The following ANKRD42 variants were observed in gnomAD, a reference collection of about 807,000 sequenced individuals.
ANKRD42 encodes the protein ankyrin repeat domain-containing protein 42.
ANKRD42 carries 43 observed loss-of-function variants against 51.5 expected under a neutral mutation model. The ratio of observed to expected loss-of-function variants is 0.83; its 90% confidence interval spans 0.65 to 1.08. The LOEUF (loss-of-function observed/expected upper bound fraction) is 1.08, where lower values mean the gene tolerates loss of function less well. Ranked by LOEUF, ANKRD42 falls within the 50% of genes least tolerant of loss-of-function variation. The probability of loss-of-function intolerance (pLI) is 0.00; values close to 1 mark genes in which losing one functional copy is unlikely to be tolerated. For synonymous variants in ANKRD42, 203 were observed against 213.0 expected (o/e 0.95, Z 0.41); for missense variants, 608 against 629.3 (o/e 0.97, Z 0.36).
chr11:83,206,229 A>C (rs1862068464), intron 3 of ANKRD42, 64 bp downstream of exon 3: 1 of 1,260,130 alleles, frequency 7.9e-7, no homozygotes, highest in East Asian at 2.4e-5. Flanking sequence ...GGATATTGCT[A>C]TTATTCTAAT....
Position 83,194,680 on chromosome 11 carries a change from G to A in ANKRD42, c.10G>A (p.Val4Met). Reference protein sequence around the residue: MPGVANSGPSTSSR... With the variant: MPGMANSGPSTSSR... The stretch of plus-strand genomic sequence containing the variant: ...TCGGAGGTGTTGCGCCATGCCCGGG[G>A]TGGCCAATTCAGGCCCCTCCACTTC... Residue 4 changes from valine (V) to methionine (M), a missense_variant, in exon 1 of 11, where the codon GTG becomes ATG. Val to Met is a conservative substitution (Grantham distance 21, BLOSUM62 1). Transcript: ENST00000533342. 6.2e-7 allele frequency: 1 copy of A among 1,613,816 alleles called. No individual in the cohort carries two copies.
At chr11:83,222,315 C>T (rs1862740890) in intron 5 of ANKRD42, among the ~76,000 whole-genome samples, 1 of 152,202 alleles carries the variant, frequency 6.6e-6, no homozygotes, top group Non-Finnish European at 1.5e-5. Context: ...TTATTGAGCA[C>T]ATACTATGTG....
chr11:83,205,270 A>G (rs1862027409), intron 2 of ANKRD42, among the ~76,000 whole-genome samples: 1 of 151,928 alleles, frequency 6.6e-6, no homozygotes, highest in Admixed American at 6.6e-5. Context: ...TTGTTGAATA[A>G]ATGAATGACT....
intron 5 of ANKRD42, among the ~76,000 whole-genome samples, chr11:83,219,287 T>C (rs1464538500): frequency 6.6e-6 from 1 of 152,224 alleles, no homozygotes; most frequent in Non-Finnish European, 1.5e-5. Context: ...CATGTGCCTG[T>C]TGACCACTAA....
At chr11:83,201,323 G>A (rs1387139971) in intron 2 of ANKRD42, among the ~76,000 whole-genome samples, 1 of 152,182 alleles carries the variant, frequency 6.6e-6, no homozygotes, top group Non-Finnish European at 1.5e-5. Flanking sequence ...CGCAAAGGAC[G>A]TGAACTCATT....
intron 5 of ANKRD42, chr11:83,215,302 T>C (rs931742411): frequency 1.3e-5 from 2 of 152,200 alleles, no homozygotes; most frequent in African/African-American, 2.4e-5. Flanking sequence ...TTTCTTTTTT[T>C]TTGCTTCTAG....
chr11:83,232,480 A>C (rs1181148159), intron 7 of ANKRD42, among the ~76,000 whole-genome samples: 3 of 152,126 alleles, frequency 2.0e-5, no homozygotes, highest in Non-Finnish European at 4.4e-5. Context: ...ATCAATTCTA[A>C]TAGGTTTTTT....
intron 1 of ANKRD42, among the ~76,000 whole-genome samples, chr11:83,194,943 C>T (rs747748348): frequency 6.6e-6 from 1 of 152,198 alleles, no homozygotes; most frequent in Non-Finnish European, 1.5e-5. Context: ...CACTATTCCT[C>T]CGAGTCTTCT....
chr11:83,250,323 C>A (rs919896216), downstream of ANKRD42, among the ~76,000 whole-genome samples: 1 of 152,096 alleles, frequency 6.6e-6, no homozygotes, highest in Non-Finnish European at 1.5e-5. Context: ...ATATATAAAG[C>A]ACTTAAATGG....
chr11:83,203,234 A>G (rs1861939476), intron 2 of ANKRD42, among the ~76,000 whole-genome samples: 1 of 151,826 alleles, frequency 6.6e-6, no homozygotes, highest in Admixed American at 6.6e-5. Context: ...ACCTCAAGTG[A>G]TCCACTTGTC....
downstream of ANKRD42, chr11:83,261,598 C>G (rs1433344820): frequency 5.1e-6 from 1 of 197,002 alleles, no homozygotes; most frequent in African/African-American, 2.3e-5. Flanking sequence ...ATGATTTACA[C>G]AACTGTTCAA....
At chr11:83,236,575 C>A (rs1478782513) in intron 8 of ANKRD42, 66 bp downstream of exon 8, 10 of 1,236,094 alleles carry the variant, frequency 8.1e-6, no homozygotes, top group Non-Finnish European at 1.0e-5. Flanking sequence ...CTTTTTTGGA[C>A]TCAAAAATCT....
intron 4 of ANKRD42, 94 bp from the exon 5 acceptor site, chr11:83,211,201 G>T: frequency 6.6e-7 from 1 of 1,503,808 alleles, no homozygotes; most frequent in African/African-American, 1.4e-5. Flanking sequence ...ATTAAGAACA[G>T]CCTCCAATTC....
intron 3 of ANKRD42, chr11:83,209,597 T>C: frequency 2.2e-6 from 2 of 891,506 alleles, no homozygotes; most frequent in East Asian, 2.4e-5. Flanking sequence ...ACCTCACATA[T>C]TGCTGTTCCG....
intron 1 of ANKRD42, among the ~76,000 whole-genome samples, chr11:83,197,675 AATAGTT>A (rs1294499170): frequency 3.9e-5 from 6 of 152,210 alleles, no homozygotes; most frequent in Non-Finnish European, 8.8e-5. Flanking sequence ...ATTCTTCTCT[AATAGTT>A]ATCTGTTCGT....
chr11:83,263,663 C>T (rs1864065940), downstream of ANKRD42, among the ~76,000 whole-genome samples: 2 of 152,126 alleles, frequency 1.3e-5, no homozygotes, highest in African/African-American at 4.8e-5. Flanking sequence ...CATTCAGACT[C>T]CTTTCTGAGG....
intron 5 of ANKRD42, chr11:83,214,617 G>A: frequency 1.1e-6 from 1 of 901,928 alleles, no homozygotes; most frequent in South Asian, 5.1e-5. Context: ...CATATTTTTG[G>A]TGTACATGTG....
rs1863618817 is a variant in ANKRD42 at position 83,248,842 on chromosome 11, T to A, written c.*638T>A. 1.0e-6 allele frequency: 1 copy of A among 981,586 alleles called. No homozygotes were observed. Among genetic ancestry groups the A allele is most frequent in the Non-Finnish European group, 1.2e-6 (1 of 826,518 alleles). The allele number at this position is 981,586 out of a possible 1,614,324, so 60.8% of individuals were successfully genotyped here. On this transcript the variant is annotated 3_prime_UTR_variant, in exon 11 of 11. Transcript: ENST00000533342. ...TTAGTACATACCATATTAGACAAAA[T>A]TCTATTTATCTGCAAACATGTATGT...
intron 6 of ANKRD42, among the ~76,000 whole-genome samples, chr11:83,226,687 C>T (rs1252188684): frequency 1.3e-5 from 2 of 152,040 alleles, no homozygotes; most frequent in Non-Finnish European, 2.9e-5. Flanking sequence ...GATGGTGCAT[C>T]CCTGTAATCC....
Sources: allele counts gnomAD v4.1 joint callset (sites outside exome capture counted in the v4.1 genomes callset), GRCh38; gene constraint gnomAD v4.1.1; transcripts MANE v1.5; gene names NCBI Gene and HGNC (gene_info 2026-07-23, HGNC 2026-07-21).